The following ADAT2 variants were observed in gnomAD, a reference collection of about 807,000 sequenced individuals.
ADAT2 encodes the protein adenosine deaminase tRNA specific 2, also known as tRNA-specific adenosine-34 deaminase catalytic subunit ADAT2.
Under a neutral mutation model 25.9 loss-of-function variants are expected in ADAT2, and 26 were observed. That is an observed-to-expected ratio of 1.00 (90% CI 0.74 to 1.39). The LOEUF (loss-of-function observed/expected upper bound fraction) is 1.39, where lower values mean the gene tolerates loss of function less well. ADAT2 is among the 40% of genes most tolerant of loss of function. The pLI, the probability that ADAT2 is intolerant of heterozygous loss-of-function variation, is 0.00. For missense variants in ADAT2, 220 were observed against 244.8 expected, an observed-to-expected ratio of 0.90 and a Z score of 0.68; for synonymous variants, 76 against 86.8, an observed-to-expected ratio of 0.88 and a Z score of 0.69.
At chr6:143,433,799 A>G in intron 3 of ADAT2, 32 bp downstream of exon 3, 1 of 1,608,398 alleles carries the variant, frequency 6.2e-7, no homozygotes, top group Non-Finnish European at 8.5e-7. Flanking sequence ...CACGAATGGT[A>G]CGATACATTA....
chr6:143,433,124 T>C (rs1779165108), intron 3 of ADAT2, among the ~76,000 whole-genome samples: 2 of 152,202 alleles, frequency 1.3e-5, no homozygotes, highest in Admixed American at 6.5e-5. Context: ...CATTTTATCA[T>C]ACCCAAAAAC....
Position 143,428,321 on chromosome 6 carries a change from A to G in ADAT2, c.*142T>C, listed in dbSNP as rs1779000006. 2.2e-6 allele frequency: 2 copies of G among 903,524 alleles called. No homozygotes were observed. The highest frequency in any genetic ancestry group is 3.4e-5 in the African/African-American group (2 of 58,976). 56.0% of individuals were successfully genotyped at this position (903,524 alleles called of 1,614,324 possible). A position where few individuals can be genotyped will look rare whatever the true frequency, so the allele number is the denominator to read the frequency against. ...TAAAAAGTGCTAATTTGTTCCCTTA[A>G]CAGAGCAAATGATGAGAGACACCAT... On this transcript the variant is annotated 3_prime_UTR_variant, in exon 6 of 6. Coordinates refer to ENST00000237283, the MANE Select transcript of ADAT2 (RefSeq NM_182503.3). The surrounding 1 kb of genome is among the most constrained non-coding windows in gnomAD (Gnocchi z 5.0).
chr6:143,438,798 G>T, intron 1 of ADAT2, 104 bp from the exon 2 acceptor site: 1 of 926,896 alleles, frequency 1.1e-6, no homozygotes, highest in Non-Finnish European at 1.7e-6. Context: ...TACAAAGACT[G>T]AAACAAAGAA....
At position 143,428,209 on chromosome 6, in the gene ADAT2, TA is replaced by T; in HGVS notation, c.*253del. The T allele has an allele frequency of 1.9e-6, 1 of 536,662 alleles. No homozygotes were observed. The highest frequency in any genetic ancestry group is 3.3e-6 in the Non-Finnish European group (1 of 303,908). The allele number at this position is 536,662 out of a possible 1,614,324, so 33.2% of individuals were successfully genotyped here. On this transcript the variant is annotated 3_prime_UTR_variant, in exon 6 of 6. Coordinates refer to ENST00000237283, the MANE Select transcript of ADAT2 (RefSeq NM_182503.3). This position sits in a 1 kb window ranked among gnomAD's most constrained non-coding sequence, Gnocchi z 5.0. ...AGGGTATGCACTACTTGCTAATTTCTAAAACCTCAAACCTTAATTTTCCCCC... is the reference window on the plus strand; with the variant it reads ...AGGGTATGCACTACTTGCTAATTTCTAAACCTCAAACCTTAATTTTCCCCC...
Position 143,428,654 on chromosome 6 carries a change from C to T in ADAT2, c.490G>A (p.Val164Met), listed in dbSNP as rs1779013316. Residue 164 changes from valine to methionine, a missense_variant, in exon 5 of 6, where the codon GTG becomes ATG. Physicochemically the swap from Val to Met is conservative, Grantham distance 21 (BLOSUM62 1). Transcript: ENST00000237283. The surrounding 1 kb of genome is among the most constrained non-coding windows in gnomAD (Gnocchi z 5.0). ...CIPGYRAEEA[V>M]EMLKTFYKQE... Reference sequence around the variant, plus strand: ...TTGTAGAAGGTCTTTAACATTTCCACTGCTTCCTCAGCCCGATATCCAGGG... The same window carrying T: ...TTGTAGAAGGTCTTTAACATTTCCATTGCTTCCTCAGCCCGATATCCAGGG... 4 of 1,614,076 alleles carry T rather than the reference C, an allele frequency of 2.5e-6. No individual in the cohort carries two copies. Among genetic ancestry groups the T allele is most frequent in the Non-Finnish European group, 3.4e-6 (4 of 1,180,002 alleles).
Position 143,432,593 on chromosome 6 carries a change from T to C in ADAT2, c.371A>G (p.Tyr124Cys), listed in dbSNP as rs766601332. Residue 124 changes from tyrosine to cysteine, a missense_variant, in exon 4 of 6, where the codon TAT becomes TGT. Physicochemically the swap from Tyr to Cys is radical, Grantham distance 194. Transcript: ENST00000237283. The surrounding 1 kb of genome is among the most constrained non-coding windows in gnomAD (Gnocchi z 4.4). ...ACCAAATCGTTCATTCTGACAGCCA[T>C]ATACAACCAGCGGGATTTATAAGAC... is the stretch of plus-strand genomic sequence containing the variant. ...LRLMKIPLVVYGCQNERFGGC... is the reference protein window; with the variant it reads ...LRLMKIPLVVCGCQNERFGGC... 3 of 1,614,068 alleles carry C rather than the reference T, an allele frequency of 1.9e-6. No homozygotes were observed. Among genetic ancestry groups the C allele is most frequent in the African/African-American group, 2.7e-5 (2 of 74,936 alleles).
At chr6:143,438,802 C>G (rs1250465346) in intron 1 of ADAT2, 108 bp from the exon 2 acceptor site, 6 of 855,652 alleles carry the variant, frequency 7.0e-6, no homozygotes, top group Admixed American at 4.6e-5. Context: ...AAGACTGAAA[C>G]AAAGAAGTGC....
At chr6:143,435,261 C>T (rs1272955617) in intron 2 of ADAT2, among the ~76,000 whole-genome samples, 1 of 151,248 alleles carries the variant, frequency 6.6e-6, no homozygotes, top group Non-Finnish European at 1.5e-5. Flanking sequence ...TAAACAATTG[C>T]TGAACTCAAT....
intron 1 of ADAT2, among the ~76,000 whole-genome samples, chr6:143,447,983 C>T (rs1779644701): frequency 6.6e-6 from 1 of 152,180 alleles, no homozygotes. Flanking sequence ...ATAGCAAAGA[C>T]TTGGAACTCA....
rs1365449022 is a variant in ADAT2, at chr6:143,423,011, C to T, written c.*5452G>A. The T allele has an allele frequency of 6.6e-6, 1 of 152,094 alleles. No individual in the cohort carries two copies. The highest frequency in any genetic ancestry group is 1.9e-4 in the East Asian group (1 of 5,196). The allele number at this position is 152,094 out of a possible 1,614,324, so 9.4% of individuals were successfully genotyped here. A position where few individuals can be genotyped will look rare whatever the true frequency, so the allele number is the denominator to read the frequency against. On this transcript the variant is annotated 3_prime_UTR_variant, in exon 6 of 6. Transcript: ENST00000237283. ...AGACCAACTTTTCAAAAGGAAAAAA[C>T]AAAACCATGGTACTGAAGCAATTCA...
intron 1 of ADAT2, among the ~76,000 whole-genome samples, chr6:143,445,364 A>G (rs1299746302): frequency 6.6e-6 from 1 of 152,100 alleles, no homozygotes; most frequent in East Asian, 1.9e-4. Flanking sequence ...AATATTTTAT[A>G]TATAGTTTCA....
In ADAT2 at chr6:143,432,649, T is replaced by C. The variant is rs1338578623; in HGVS notation, c.353-38A>G. 6.3e-7 allele frequency: 1 copy of C among 1,594,130 alleles called. No individual in the cohort carries two copies. Among genetic ancestry groups the C allele is most frequent in the South Asian group, 1.1e-5 (1 of 90,644 alleles). ...TAAGGTCCTGCATAGAATGTACATT[T>C]CAAGTATGTATCGTGACAAAATCAG... On this transcript the variant is annotated intron_variant, in intron 3 of 5. Coordinates refer to ENST00000237283, the MANE Select transcript of ADAT2 (RefSeq NM_182503.3). The surrounding 1 kb of genome is among the most constrained non-coding windows in gnomAD (Gnocchi z 4.4).
chr6:143,429,325 GA>G (rs1281490196), intron 4 of ADAT2, among the ~76,000 whole-genome samples: 5 of 152,272 alleles, frequency 3.3e-5, no homozygotes, highest in African/African-American at 9.6e-5. Context: ...ACCCTTTGCA[GA>G]AAAAGTTTAT....
chr6:143,438,917 C>T (rs187594979), intron 1 of ADAT2, among the ~76,000 whole-genome samples: 5 of 152,234 alleles, frequency 3.3e-5, no homozygotes, highest in African/African-American at 9.6e-5. Context: ...TTGATAGGTC[C>T]AGAGCCCCTG....
In ADAT2 at chr6:143,428,245, T is replaced by C. The variant is rs1315708328; in HGVS notation, c.*218A>G. The C allele has an allele frequency of 1.4e-5, 8 of 588,892 alleles. No individual in the cohort carries two copies. Among genetic ancestry groups the C allele is most frequent in the Non-Finnish European group, 2.1e-5 (7 of 338,148 alleles). 36.5% of individuals were successfully genotyped at this position (588,892 alleles called of 1,614,324 possible). The stretch of plus-strand genomic sequence containing the variant: ...ACCTTAATTTTCCCCCATCTTAAAA[T>C]GGGAATCAGCTTCTGGAAAAGCTAA... On this transcript the variant is annotated 3_prime_UTR_variant, in exon 6 of 6. Transcript: ENST00000237283. The surrounding 1 kb of genome is among the most constrained non-coding windows in gnomAD (Gnocchi z 5.0).
At chr6:143,443,189 G>A (rs1162757982) in intron 1 of ADAT2, among the ~76,000 whole-genome samples, 1 of 152,042 alleles carries the variant, frequency 6.6e-6, no homozygotes, top group Non-Finnish European at 1.5e-5. Flanking sequence ...ACTAGCGCAT[G>A]TGAGAGAGCT....
intron 3 of ADAT2, among the ~76,000 whole-genome samples, chr6:143,433,608 TC>T (rs1210572268): frequency 6.6e-6 from 1 of 152,238 alleles, no homozygotes; most frequent in African/African-American, 2.4e-5. Context: ...ATATTTTCTT[TC>T]TCTAGATTAT....
chr6:143,435,497 G>A (rs1779245603), intron 2 of ADAT2, among the ~76,000 whole-genome samples: 1 of 151,728 alleles, frequency 6.6e-6, no homozygotes, highest in Non-Finnish European at 1.5e-5. Context: ...ATAAACCCAG[G>A]TTAATTTCAG....
chr6:143,450,611 C>G lies in ADAT2; in HGVS notation c.48G>C (p.Ser16=), dbSNP rs762005593. The G allele has an allele frequency of 3.1e-6, 5 of 1,614,080 alleles. No individual in the cohort carries two copies. Among genetic ancestry groups the G allele is most frequent in the Non-Finnish European group, 3.4e-6 (4 of 1,180,020 alleles). Residue 16 remains serine (S), a synonymous_variant, in exon 1 of 6, where the codon TCG becomes TCC. Transcript: ENST00000237283. Reference sequence around the variant, plus strand: ...ACTTTTCGGTCTCCTCTGCCGACACCGAGCACGCGCCGCTTGCAGCTGGCT... The same window carrying G: ...ACTTTTCGGTCTCCTCTGCCGACACGGAGCACGCGCCGCTTGCAGCTGGCT... ...APKPAASGAC[S]VSAEETEKWM...
Sources: allele counts gnomAD v4.1 joint callset (sites outside exome capture counted in the v4.1 genomes callset), GRCh38; gene constraint gnomAD v4.1.1; non-coding constraint Gnocchi (gnomAD v3.1); transcripts MANE v1.5; gene names NCBI Gene and HGNC (gene_info 2026-07-23, HGNC 2026-07-21).